Variants in PHLDB2 observed in about 807,000 individuals in gnomAD.
The protein encoded by PHLDB2 is pleckstrin homology-like domain family B member 2.
Under a neutral mutation model 123.6 loss-of-function variants are expected in PHLDB2, and 71 were observed. The observed-to-expected ratio is 0.57, with a 90% CI of 0.47 to 0.70. The LOEUF is 0.70. Ranked by LOEUF, PHLDB2 falls within the 30% of genes least tolerant of loss-of-function variation. The pLI is 0.00. For missense variants in PHLDB2, 1,446 were observed against 1,519.5 expected (o/e 0.95, Z 0.80); for synonymous variants, 547 against 541.6 (o/e 1.01, Z -0.14).
intron 1 of PHLDB2, among the ~76,000 whole-genome samples, chr3:111,831,010 AAAGAAAGAAAGAAAGAAAGAAAGGAAGG>A (rs1211064905): frequency 0.017 from 1,941 of 111,098 alleles, 279 homozygotes; most frequent in Non-Finnish European, 0.022. Context: ...AGAAAGAAAG[AAAGAAAGAAAGAAAGAAAGAAAGGAAGG>A]AAGGAAGAAA....
intron 14 of PHLDB2, 41 bp from the exon 15 acceptor site, chr3:111,967,637 C>T (rs1479237053): frequency 6.5e-7 from 1 of 1,543,696 alleles, no homozygotes; most frequent in South Asian, 1.2e-5. Context: ...CAAGTATAAC[C>T]AGTATGTTTT....
At chr3:111,742,325 T>C (rs1660571628) in intron 1 of PHLDB2, among the ~76,000 whole-genome samples, 2 of 152,288 alleles carry the variant, frequency 1.3e-5, no homozygotes, top group South Asian at 4.1e-4. Flanking sequence ...ATATTTTTTA[T>C]TATACTTTAA....
intron 1 of PHLDB2, among the ~76,000 whole-genome samples, chr3:111,790,735 C>T (rs1200905917): frequency 6.6e-6 from 1 of 152,112 alleles, no homozygotes; most frequent in Non-Finnish European, 1.5e-5. Context: ...AGCCTCCAAC[C>T]TAAACAGTGT....
chr3:111,912,144 C>G (rs1222414320), intron 2 of PHLDB2, among the ~76,000 whole-genome samples: 1 of 152,132 alleles, frequency 6.6e-6, no homozygotes, highest in African/African-American at 2.4e-5. Context: ...TCTTTTTTCA[C>G]TTTGGCCTTG....
chr3:111,945,480 C>T, intron 9 of PHLDB2, 123 bp downstream of exon 9: 2 of 753,796 alleles, frequency 2.7e-6, no homozygotes, highest in Non-Finnish European at 2.3e-6. Context: ...GCACTCAATG[C>T]TTGGATGGTT....
chr3:111,967,575 A>G, intron 14 of PHLDB2, 103 bp from the exon 15 acceptor site: 4 of 1,281,354 alleles, frequency 3.1e-6, no homozygotes, highest in Non-Finnish European at 4.1e-6. Context: ...CTAGTCTACA[A>G]ACCAAGATTT....
intron 1 of PHLDB2, among the ~76,000 whole-genome samples, chr3:111,837,765 G>A (rs146210024): frequency 2.3e-3 from 356 of 152,208 alleles, no homozygotes; most frequent in African/African-American, 8.0e-3. Context: ...GAACCTGGCC[G>A]GGCACGGTGG....
intron 1 of PHLDB2, among the ~76,000 whole-genome samples, chr3:111,817,979 T>C (rs1195910048): frequency 6.6e-6 from 1 of 152,206 alleles, no homozygotes; most frequent in Non-Finnish European, 1.5e-5. Context: ...TTTGATGAGC[T>C]ATGGTGCCTT....
Position 111,919,331 on chromosome 3 carries a change from T to A in PHLDB2, c.1863+116T>A, listed in dbSNP as rs960593161. ...ACATAGACGTCAACACAAGCAAACA[T>A]TTATTCAGTGGGTTCCCTGTATAGA... On this transcript the variant is annotated intron_variant, in intron 4 of 17. Coordinates refer to ENST00000431670, the MANE Select transcript of PHLDB2 (RefSeq NM_001134438.2). 5 of 1,045,564 alleles carry A rather than the reference T, an allele frequency of 4.8e-6. No individual in the cohort carries two copies. In the Admixed American group the frequency reaches 1.1e-4, roughly 22 times the overall value. 64.8% of individuals were successfully genotyped at this position (1,045,564 alleles called of 1,614,324 possible).
intron 1 of PHLDB2, among the ~76,000 whole-genome samples, chr3:111,860,570 T>G (rs2064781378): frequency 6.6e-6 from 1 of 152,192 alleles, no homozygotes; most frequent in African/African-American, 2.4e-5. Flanking sequence ...ACCAGGAAAT[T>G]AAAAGGCTGA....
intron 1 of PHLDB2, among the ~76,000 whole-genome samples, chr3:111,773,222 A>G (rs1307008269): frequency 6.6e-6 from 1 of 152,192 alleles, no homozygotes. Context: ...CATTAAAGTT[A>G]ACAAGGTTTC....
At chr3:111,962,446 G>A in intron 13 of PHLDB2, 134 bp downstream of exon 13, 1 of 699,132 alleles carries the variant, frequency 1.4e-6, no homozygotes, top group Non-Finnish European at 2.3e-6. Context: ...TAATGCAGAA[G>A]AGGGTTGGTA....
intron 16 of PHLDB2, 62 bp downstream of exon 16, chr3:111,969,971 A>G: frequency 6.6e-7 from 1 of 1,511,074 alleles, no homozygotes; most frequent in Non-Finnish European, 9.2e-7. Context: ...TAAAGAGCAA[A>G]GGCAATTGAA....
chr3:111,871,222 G>A (rs975857034), intron 1 of PHLDB2, among the ~76,000 whole-genome samples: 6 of 152,128 alleles, frequency 3.9e-5, no homozygotes, highest in African/African-American at 1.4e-4. Flanking sequence ...CATAATTTGG[G>A]AATTCTCCAT....
At chr3:111,763,409 A>G (rs2060027387) in intron 1 of PHLDB2, among the ~76,000 whole-genome samples, 1 of 152,080 alleles carries the variant, frequency 6.6e-6, no homozygotes, top group Non-Finnish European at 1.5e-5. Flanking sequence ...CACACTCTTC[A>G]TGTTTTAGTT....
At chr3:111,931,845 G>A (rs1034329067) in intron 5 of PHLDB2, among the ~76,000 whole-genome samples, 2 of 152,172 alleles carry the variant, frequency 1.3e-5, no homozygotes, top group Non-Finnish European at 2.9e-5. Flanking sequence ...AGCGAGTTAG[G>A]CTATGACAGT....
intron 5 of PHLDB2, among the ~76,000 whole-genome samples, chr3:111,925,382 T>C (rs2068756787): frequency 6.6e-6 from 1 of 152,206 alleles, no homozygotes; most frequent in Admixed American, 6.5e-5. Flanking sequence ...GGGGTACCAC[T>C]GTTACGAACA....
At chr3:111,783,119 A>C (rs1421030673) in intron 1 of PHLDB2, among the ~76,000 whole-genome samples, 1 of 152,040 alleles carries the variant, frequency 6.6e-6, no homozygotes, top group Non-Finnish European at 1.5e-5. Flanking sequence ...GCTCAACATG[A>C]CTATTTCTAG....
chr3:111,750,672 G>A (rs1012559458), intron 1 of PHLDB2, among the ~76,000 whole-genome samples: 1 of 152,144 alleles, frequency 6.6e-6, no homozygotes, highest in Non-Finnish European at 1.5e-5. Context: ...GGGGCCGGAT[G>A]CGATGGCTCA....
Sources: gnomAD v4.1 joint callset for allele counts (sites outside exome capture counted in the v4.1 genomes callset) on GRCh38, gnomAD v4.1.1 for gene constraint, MANE v1.5 for transcripts, NCBI Gene and HGNC (gene_info 2026-07-23, HGNC 2026-07-21) for gene names.